TBC1D5: variants seen among roughly 807,000 people sequenced by gnomAD.
TBC1D5 encodes TBC1 domain family member 5.
Under a neutral mutation model 100.3 loss-of-function variants are expected in TBC1D5, and 75 were observed. That is an observed-to-expected ratio of 0.75 (90% CI 0.62 to 0.91). The LOEUF (loss-of-function observed/expected upper bound fraction) is 0.91. Ranked by LOEUF, TBC1D5 falls within the 40% of genes least tolerant of loss-of-function variation. The probability of loss-of-function intolerance (pLI) is 0.00; values close to 1 mark genes in which losing one functional copy is unlikely to be tolerated. For missense variants in TBC1D5, 910 were observed against 942.4 expected (o/e 0.97, Z 0.45); for synonymous variants, 323 against 325.6 (o/e 0.99, Z 0.09).
intron 2 of TBC1D5, among the ~76,000 whole-genome samples, chr3:17,599,368 C>T (rs1212420867): frequency 2.6e-5 from 4 of 152,136 alleles, no homozygotes. Flanking sequence ...AGAGAATAAG[C>T]ACCTGAAGGT....
chr3:17,686,469 A>T (rs1196978325), intron 1 of TBC1D5, among the ~76,000 whole-genome samples: 2 of 152,116 alleles, frequency 1.3e-5, no homozygotes, highest in African/African-American at 4.8e-5. Context: ...TTACTAATTA[A>T]TTAAAGTGTT....
At position 17,207,793 on chromosome 3, in the gene TBC1D5, G is replaced by T. The variant is rs139991384; in HGVS notation, c.1752+6414C>A. 4.3e-4 allele frequency among the ~76,000 whole-genome samples: 65 copies of T among 152,276 alleles called. No individual in the cohort carries two copies. In the East Asian group the frequency reaches 8.9e-3, roughly 21 times the overall value. Reference sequence around the variant, plus strand: ...TAATTTCTCAAAACCGTTACAAGCAGATTTTACTGTACTTAGACTGATAGC... The same window carrying T: ...TAATTTCTCAAAACCGTTACAAGCATATTTTACTGTACTTAGACTGATAGC... On this transcript the variant is annotated intron_variant, in intron 18 of 21. Transcript: ENST00000253692.
intron 19 of TBC1D5, among the ~76,000 whole-genome samples, chr3:17,169,938 G>C (rs1188009180): frequency 6.6e-6 from 1 of 152,156 alleles, no homozygotes; most frequent in African/African-American, 2.4e-5. Context: ...TTGATCCCTC[G>C]CATGCACAGT....
chr3:17,459,693 T>G (rs1255306962), intron 3 of TBC1D5, among the ~76,000 whole-genome samples: 1 of 151,586 alleles, frequency 6.6e-6, no homozygotes, highest in Non-Finnish European at 1.5e-5. Context: ...AGCCCAGGAG[T>G]TCAGGGCCAG....
intron 17 of TBC1D5, chr3:17,233,725 A>G: frequency 6.5e-7 from 1 of 1,546,268 alleles, no homozygotes; most frequent in Non-Finnish European, 8.7e-7. Flanking sequence ...CAGAAACCTG[A>G]GCATCGCTTC....
chr3:17,381,052 A>G (rs1465717868), intron 9 of TBC1D5, among the ~76,000 whole-genome samples: 1 of 152,146 alleles, frequency 6.6e-6, no homozygotes, highest in Non-Finnish European at 1.5e-5. Flanking sequence ...AAAAATCTAT[A>G]GGATTTTAAA....
intron 2 of TBC1D5, among the ~76,000 whole-genome samples, chr3:17,557,750 C>T (rs1221027913): frequency 6.6e-6 from 1 of 151,924 alleles, no homozygotes; most frequent in African/African-American, 2.4e-5. Flanking sequence ...CAAGCAACAG[C>T]CATAGGTAAA....
chr3:17,309,017 T>A (rs1258193574), intron 13 of TBC1D5, among the ~76,000 whole-genome samples: 1 of 152,096 alleles, frequency 6.6e-6, no homozygotes, highest in Admixed American at 6.6e-5. Flanking sequence ...TAAGTCTTTT[T>A]CTAAGGACTT....
chr3:17,542,887 CA>C (rs2153426145), intron 2 of TBC1D5, among the ~76,000 whole-genome samples: 2 of 152,254 alleles, frequency 1.3e-5, no homozygotes, highest in African/African-American at 4.8e-5. Flanking sequence ...ATTTTTATAT[CA>C]AGGTTCATAC....
At chr3:17,389,051 T>C (rs112302795) in intron 8 of TBC1D5, among the ~76,000 whole-genome samples, 4 of 152,314 alleles carry the variant, frequency 2.6e-5, no homozygotes, top group African/African-American at 7.2e-5. Flanking sequence ...TTTGTTGATA[T>C]TATCTCTTAA....
In TBC1D5 at chr3:17,162,768, T is replaced by C. The variant is rs568495504; in HGVS notation, c.2095-1512A>G. ...TCTCTTCCCCATGACTGTCCCTATA[T>C]AAGGTGCACCTGGTCAGAGCCATGC... On this transcript the variant is annotated intron_variant, in intron 21 of 21. Coordinates refer to ENST00000253692, the Ensembl canonical transcript of TBC1D5. 2.0e-5 allele frequency among the ~76,000 whole-genome samples: 3 copies of C among 152,194 alleles called. No individual in the cohort carries two copies. The South Asian group carries it at 6.2e-4, about 32-fold the overall frequency.
At position 17,695,291 on chromosome 3, in the gene TBC1D5, C is replaced by T. The variant is rs551657788; in HGVS notation, c.-101+44052G>A. Among the ~76,000 whole-genome samples the T allele has an allele frequency of 3.3e-5, 5 of 152,234 alleles. No individual in the cohort carries two copies. The South Asian group carries it at 8.3e-4, about 25-fold the overall frequency. On this transcript the variant is annotated intron_variant, in intron 1 of 21. Coordinates refer to ENST00000253692, the Ensembl canonical transcript of TBC1D5. ...TGGACTAAATGCCCCAATTAAAAGA[C>T]GCGGACTGGCAAATTGGATAAAGAG...
chr3:17,571,878 G>C (rs961065369), intron 2 of TBC1D5, among the ~76,000 whole-genome samples: 27 of 152,038 alleles, frequency 1.8e-4, no homozygotes, highest in African/African-American at 5.8e-4. Context: ...ATTCACTGTA[G>C]TGTTTAAGCC....
intron 15 of TBC1D5, among the ~76,000 whole-genome samples, chr3:17,270,856 A>G (rs114038791): frequency 0.01 from 1,597 of 152,214 alleles, 30 homozygotes; most frequent in African/African-American, 0.036. Flanking sequence ...TCCCAGCACC[A>G]CTTATTGAAT....
At chr3:17,662,992 G>A (rs924392784) in intron 1 of TBC1D5, 1 of 152,106 alleles carries the variant, frequency 6.6e-6, no homozygotes, top group Non-Finnish European at 1.5e-5. Flanking sequence ...CACTGTACCA[G>A]ACCAGTATCT....
chr3:17,229,005 C>T (rs188176023), intron 17 of TBC1D5, among the ~76,000 whole-genome samples: 8 of 151,960 alleles, frequency 5.3e-5, no homozygotes, highest in Middle Eastern at 3.4e-3. Context: ...TTACCAAATT[C>T]GATAGGAAAT....
At chr3:17,733,016 T>C (rs1456202588) in intron 1 of TBC1D5, among the ~76,000 whole-genome samples, 1 of 152,032 alleles carries the variant, frequency 6.6e-6, no homozygotes, top group African/African-American at 2.4e-5. Flanking sequence ...CTGATCAAAG[T>C]AGAAAGGAGG....
chr3:17,189,789 C>T (rs1340981711), intron 18 of TBC1D5, among the ~76,000 whole-genome samples: 1 of 152,182 alleles, frequency 6.6e-6, no homozygotes. Context: ...CATGAATAAT[C>T]CCATATTTCA....
chr3:17,356,693 A>T (rs2091242437), intron 13 of TBC1D5, among the ~76,000 whole-genome samples: 1 of 152,244 alleles, frequency 6.6e-6, no homozygotes, highest in Admixed American at 6.5e-5. Context: ...CTTCTGACCA[A>T]CTAGAACAGA....
Sources: allele counts gnomAD v4.1 joint callset (sites outside exome capture counted in the v4.1 genomes callset), GRCh38; gene constraint gnomAD v4.1.1; transcripts MANE v1.5; gene names NCBI Gene and HGNC (gene_info 2026-07-23, HGNC 2026-07-21).